TNPO3: variants seen among roughly 807,000 people sequenced by gnomAD.
The protein encoded by TNPO3 is transportin 3.
Under a neutral mutation model 122.8 loss-of-function variants are expected in TNPO3, and 65 were observed. The observed-to-expected ratio is 0.53, with a 90% CI of 0.43 to 0.65. The LOEUF (loss-of-function observed/expected upper bound fraction) is 0.65, where lower values mean the gene tolerates loss of function less well. TNPO3 is among the 30% of genes least tolerant of loss of function. The probability of loss-of-function intolerance (pLI) is 0.00; values close to 1 mark genes in which losing one functional copy is unlikely to be tolerated. For synonymous variants in TNPO3, 372 were observed against 411.2 expected (o/e 0.90, Z 1.15); for missense variants, 850 against 1,136.7 (o/e 0.75, Z 3.63).
chr7:128,954,912 A>C lies in TNPO3; in HGVS notation c.*505T>G, dbSNP rs1796760952. 1 of 161,940 alleles carries C rather than the reference A, an allele frequency of 6.2e-6. No individual in the cohort carries two copies. The highest frequency in any genetic ancestry group is 1.4e-5 in the Non-Finnish European group (1 of 73,578). 10.0% of individuals were successfully genotyped at this position (161,940 alleles called of 1,614,324 possible). A position where few individuals can be genotyped will look rare whatever the true frequency, so the allele number is the denominator to read the frequency against. ...CCTCTTCTTCCAATTGCAGCTATTT[A>C]ATTCATGTGAATCCCCACATTATCC... On this transcript the variant is annotated 3_prime_UTR_variant, in exon 23 of 23. Coordinates refer to ENST00000265388, the MANE Select transcript of TNPO3 (RefSeq NM_012470.4).
At chr7:129,031,360 T>TA (rs1805929069) in intron 1 of TNPO3, among the ~76,000 whole-genome samples, 1 of 151,668 alleles carries the variant, frequency 6.6e-6, no homozygotes, top group South Asian at 2.1e-4. Context: ...GAAATAAAAG[T>TA]CAGGATATTA....
Position 128,984,176 on chromosome 7 carries a change from A to G in TNPO3, c.1774T>C (p.Leu592=), listed in dbSNP as rs368868052. ...TCCTTAATTGGACTTACCTTTTTCA[A>G]TGCCATAACCTGAACAGAACATAGT... ...SELCSVQVMA[L]KKLLSQEPSN... Residue 592 remains leucine, a synonymous_variant, in exon 13 of 23, where the codon TTG becomes CTG. Transcript: ENST00000265388. The G allele has an allele frequency of 4.4e-6, 7 of 1,595,694 alleles. No homozygotes were observed. The East Asian group carries it at 6.8e-5, about 15-fold the overall frequency.
intron 4 of TNPO3, 114 bp downstream of exon 4, chr7:129,014,865 C>T: frequency 1.0e-6 from 1 of 1,000,486 alleles, no homozygotes; most frequent in Non-Finnish European, 1.4e-6. Flanking sequence ...AATACCAAAG[C>T]ATCATCATTA....
At chr7:129,021,461 T>C (rs758193903) in intron 1 of TNPO3, among the ~76,000 whole-genome samples, 5 of 151,286 alleles carry the variant, frequency 3.3e-5, no homozygotes, top group African/African-American at 7.3e-5. Flanking sequence ...TTATAAAACC[T>C]TGAAACCAAA....
At chr7:129,005,782 CTTTTTTT>C (rs1186834521) in intron 4 of TNPO3, among the ~76,000 whole-genome samples, 1 of 132,266 alleles carries the variant, frequency 7.6e-6, no homozygotes, top group Non-Finnish European at 1.6e-5. Flanking sequence ...CTTTTCTTTT[CTTTTTTT>C]TTTTTTTTTT....
At chr7:129,033,837 C>T (rs901431987) in intron 1 of TNPO3, among the ~76,000 whole-genome samples, 9 of 149,350 alleles carry the variant, frequency 6.0e-5, no homozygotes, top group African/African-American at 2.0e-4. Context: ...CACTTGAACT[C>T]GGGAGGCCAA....
chr7:129,005,282 C>A lies in TNPO3; in HGVS notation c.553-123G>T. 4.2e-6 allele frequency: 4 copies of A among 947,894 alleles called. No homozygotes were observed. In the Admixed American group the frequency reaches 1.1e-4, roughly 27 times the overall value. 58.7% of individuals were successfully genotyped at this position (947,894 alleles called of 1,614,324 possible). ...ATAAAACAGCCAACGGTTAAAAGTG[C>A]TTTTTAAGTTTAAGTGTCACTGTTT... On this transcript the variant is annotated intron_variant, in intron 4 of 22. Coordinates refer to ENST00000265388, the MANE Select transcript of TNPO3 (RefSeq NM_012470.4).
intron 1 of TNPO3, among the ~76,000 whole-genome samples, chr7:129,053,184 G>A (rs539428699): frequency 5.3e-5 from 8 of 152,138 alleles, no homozygotes; most frequent in Non-Finnish European, 1.2e-4. Flanking sequence ...AATTAGCTGG[G>A]TGTGGTGGCG....
At position 129,054,794 on chromosome 7, in the gene TNPO3, C is replaced by T; in HGVS notation, c.-24G>A. ...ATGGTGGTGGCGGTAGTGGCGGTAG[C>T]GACGGCTCTGATTCTTCTCCGGAGG... On this transcript the variant is annotated 5_prime_UTR_variant, in exon 1 of 23. Coordinates refer to ENST00000265388, the MANE Select transcript of TNPO3 (RefSeq NM_012470.4). 1 of 1,613,802 alleles carries T rather than the reference C, an allele frequency of 6.2e-7. No individual in the cohort carries two copies. Among genetic ancestry groups the T allele is most frequent in the Non-Finnish European group, 8.5e-7 (1 of 1,179,918 alleles).
intron 20 of TNPO3, among the ~76,000 whole-genome samples, chr7:128,969,280 G>A (rs1009603899): frequency 1.3e-5 from 2 of 152,054 alleles, no homozygotes; most frequent in East Asian, 1.9e-4. Context: ...ATTCCTGGAG[G>A]CTCAAAAAGT....
At chr7:128,982,199 T>C (rs1455559154) in intron 14 of TNPO3, 49 bp downstream of exon 14, 8 of 1,512,210 alleles carry the variant, frequency 5.3e-6, no homozygotes, top group Non-Finnish European at 7.3e-6. Flanking sequence ...TACAATGGTT[T>C]CATTTGAGCC....
At position 129,014,980 on chromosome 7, in the gene TNPO3, A is replaced by C; in HGVS notation, c.551T>G (p.Leu184Trp). ...ACTTAGTATTTCAAACTTACTCACC[A>C]ATAGAGATACTACTGTACTAGAGTA... ...AFYSSTVVSLLMTCVEKAGTD... is the reference protein window; with the variant it reads ...AFYSSTVVSLWMTCVEKAGTD... Residue 184 changes from leucine (L) to tryptophan (W), a missense_variant and splice_region_variant, in exon 4 of 23, where the codon TTG (leucine) becomes TGG (tryptophan). Leu to Trp is a moderately conservative substitution (Grantham distance 61, BLOSUM62 -2). Transcript: ENST00000265388. 6.3e-7 allele frequency: 1 copy of C among 1,587,960 alleles called. No homozygotes were observed. The highest frequency in any genetic ancestry group is 1.2e-5 in the South Asian group (1 of 85,308).
At chr7:129,013,719 G>C (rs572290781) in intron 4 of TNPO3, among the ~76,000 whole-genome samples, 2 of 152,264 alleles carry the variant, frequency 1.3e-5, no homozygotes, top group African/African-American at 4.8e-5. Context: ...ATCAACCTAA[G>C]TACCTATCAA....
At chr7:128,999,898 C>A (rs543231565) in intron 7 of TNPO3, among the ~76,000 whole-genome samples, 1 of 152,274 alleles carries the variant, frequency 6.6e-6, no homozygotes, top group African/African-American at 2.4e-5. Context: ...CAGGTGTGAG[C>A]CACCAACCCC....
intron 1 of TNPO3, among the ~76,000 whole-genome samples, chr7:129,036,217 T>G (rs1286284168): frequency 6.6e-6 from 1 of 152,124 alleles, no homozygotes; most frequent in East Asian, 1.9e-4. Flanking sequence ...CCTCCCAAAG[T>G]GCTGGGATTA....
intron 16 of TNPO3, among the ~76,000 whole-genome samples, chr7:128,978,465 C>T (rs749436423): frequency 6.6e-6 from 1 of 152,178 alleles, no homozygotes; most frequent in Non-Finnish European, 1.5e-5. Context: ...ATTCGCTTCA[C>T]AGAATTTCAC....
At chr7:128,986,977 T>C (rs1475601127) in intron 11 of TNPO3, 57 bp from the exon 12 acceptor site, 1 of 1,517,216 alleles carries the variant, frequency 6.6e-7, no homozygotes, top group Non-Finnish European at 8.8e-7. Context: ...AAACTTCTAG[T>C]TTATTAAAAC....
At chr7:128,981,724 AAG>A (rs1585332369) in intron 14 of TNPO3, among the ~76,000 whole-genome samples, 1 of 151,660 alleles carries the variant, frequency 6.6e-6, no homozygotes, top group Admixed American at 6.6e-5. Context: ...TCCATTTTTA[AAG>A]AGTCTTTTTT....
At position 128,954,997 on chromosome 7, in the gene TNPO3, G is replaced by A. The variant is rs1484145335; in HGVS notation, c.*420C>T. The A allele has an allele frequency of 8.9e-6, 2 of 224,816 alleles. No individual in the cohort carries two copies. Among genetic ancestry groups the A allele is most frequent in the Non-Finnish European group, 1.8e-5 (2 of 110,742 alleles). The allele number at this position is 224,816 out of a possible 1,614,324, so 13.9% of individuals were successfully genotyped here. On this transcript the variant is annotated 3_prime_UTR_variant, in exon 23 of 23. Coordinates refer to ENST00000265388, the MANE Select transcript of TNPO3 (RefSeq NM_012470.4). ...CTTTTGTTTTTCTGTGTACACGTGC[G>A]CACTGGCGCTTGTGCGTGTATGTGT...
Sources: gnomAD v4.1 joint callset for allele counts (sites outside exome capture counted in the v4.1 genomes callset) on GRCh38, gnomAD v4.1.1 for gene constraint, MANE v1.5 for transcripts, NCBI Gene and HGNC (gene_info 2026-07-23, HGNC 2026-07-21) for gene names.